Variants in TNFRSF8 observed in about 807,000 individuals in gnomAD.
TNFRSF8 encodes TNF receptor superfamily member 8, also known as tumor necrosis factor receptor superfamily member 8.
A neutral mutation model predicts 70.8 loss-of-function variants in TNFRSF8; 26 were observed. That is an observed-to-expected ratio of 0.37 (90% CI 0.27 to 0.51). The LOEUF (loss-of-function observed/expected upper bound fraction) is 0.51, where lower values mean the gene tolerates loss of function less well. Ranked by LOEUF, TNFRSF8 falls within the 20% of genes least tolerant of loss-of-function variation. TNFRSF8 has a pLI of 0.94. For synonymous variants in TNFRSF8, 356 were observed against 339.2 expected (o/e 1.05, Z -0.54); for missense variants, 720 against 807.9 (o/e 0.89, Z 1.32).
At chr1:12,074,193 G>C (rs890520204) in intron 1 of TNFRSF8, among the ~76,000 whole-genome samples, 2 of 151,912 alleles carry the variant, frequency 1.3e-5, no homozygotes, top group African/African-American at 2.4e-5. Flanking sequence ...CCTCCATCCT[G>C]TCCACCTCCC....
Position 12,112,886 on chromosome 1 carries a change from T to A in TNFRSF8, c.793+872T>A, listed in dbSNP as rs571444905. 6.6e-6 allele frequency among the ~76,000 whole-genome samples: 1 copy of A among 152,164 alleles called. No homozygotes were observed. The highest frequency in any genetic ancestry group is 1.5e-5 in the Non-Finnish European group (1 of 68,028). On this transcript the variant is annotated intron_variant, in intron 7 of 14. Coordinates refer to ENST00000263932, the MANE Select transcript of TNFRSF8 (RefSeq NM_001243.5). This position sits in a 1 kb window ranked among gnomAD's most constrained non-coding sequence, Gnocchi z 5.3. ...GGCCCTGGCTATTCACGGAGGCCACTGGGAATGTGTGTCTGTCTCCTTGTC... is the reference window on the plus strand; with the variant it reads ...GGCCCTGGCTATTCACGGAGGCCACAGGGAATGTGTGTCTGTCTCCTTGTC...
At chr1:12,075,279 T>C (rs1278940420) in intron 1 of TNFRSF8, among the ~76,000 whole-genome samples, 2 of 149,648 alleles carry the variant, frequency 1.3e-5, no homozygotes, top group African/African-American at 4.9e-5. Context: ...AGAGACAGGG[T>C]CTTGCTATGT....
intron 6 of TNFRSF8, among the ~76,000 whole-genome samples, chr1:12,111,674 G>A (rs1282296576): frequency 6.6e-6 from 1 of 152,188 alleles, no homozygotes. Flanking sequence ...GGAACAGTGG[G>A]CAGGGGCTGG....
At chr1:12,067,321 C>A (rs1032283404) in intron 1 of TNFRSF8, among the ~76,000 whole-genome samples, 2 of 152,184 alleles carry the variant, frequency 1.3e-5, no homozygotes, top group Admixed American at 1.3e-4. Context: ...CATGTACCCC[C>A]AATTCCAGCC....
chr1:12,112,977 CTGTT>C lies in TNFRSF8; in HGVS notation c.793+968_793+971del, dbSNP rs959368235. ...GGGAGGCCAAAAAGAACCACAGACA[CTGTT>C]TGTTGTCATTGGAGGTCTCTGTCCT... On this transcript the variant is annotated intron_variant, in intron 7 of 14. Coordinates refer to ENST00000263932, the MANE Select transcript of TNFRSF8 (RefSeq NM_001243.5). The surrounding 1 kb of genome is among the most constrained non-coding windows in gnomAD (Gnocchi z 5.3). Among the ~76,000 whole-genome samples the C allele has an allele frequency of 1.3e-5, 2 of 152,378 alleles. No homozygotes were observed. The highest frequency in any genetic ancestry group is 4.8e-5 in the African/African-American group (2 of 41,598).
rs1557592401 is a variant in TNFRSF8, at chr1:12,109,650, C to G, written c.506C>G (p.Pro169Arg). 1 of 1,613,438 alleles carries G rather than the reference C, an allele frequency of 6.2e-7. No individual in the cohort carries two copies. Among genetic ancestry groups the G allele is most frequent in the Non-Finnish European group, 8.5e-7 (1 of 1,179,738 alleles). Residue 169 changes from proline (P) to arginine (R), a missense_variant, in exon 5 of 15, where the codon CCC (proline) becomes CGC (arginine). Physicochemically the swap from Pro to Arg is moderately radical, Grantham distance 103. Transcript: ENST00000263932. This position sits in a 1 kb window ranked among gnomAD's most constrained non-coding sequence, Gnocchi z 4.4. Reference sequence around the variant, plus strand: ...GCCAGCCCAGAGAACTGCAAGGAACCCTCCAGGTGACTCCCTGGCTTTGCC... The same window carrying G: ...GCCAGCCCAGAGAACTGCAAGGAACGCTCCAGGTGACTCCCTGGCTTTGCC... ...ACASPENCKE[P>R]SSGTIPQAKP...
intron 14 of TNFRSF8, among the ~76,000 whole-genome samples, chr1:12,139,054 C>G (rs1192665454): frequency 6.6e-6 from 1 of 152,246 alleles, no homozygotes; most frequent in East Asian, 1.9e-4. Flanking sequence ...TGCTGCCAGC[C>G]TGGACAGACA....
chr1:12,115,563 T>C lies in TNFRSF8; in HGVS notation c.794-14T>C, dbSNP rs751500558. ...TACTGATCTTTCTCCGTGATCCTCA[T>C]CTGTGTCCCTTAGATGACCTTGTGG... is the stretch of plus-strand genomic sequence containing the variant. On this transcript the variant is annotated splice_polypyrimidine_tract_variant and intron_variant, in intron 7 of 14. Transcript: ENST00000263932. 2 of 1,614,226 alleles carry C rather than the reference T, an allele frequency of 1.2e-6. No individual in the cohort carries two copies. The highest frequency in any genetic ancestry group is 2.2e-5 in the South Asian group (2 of 91,084).
rs956142605 is a variant in TNFRSF8 at position 12,142,483 on chromosome 1, A to G, written c.1740A>G (p.Glu580=). ...GCAGCGATGTCATGCTCTCAGTGGAAGAGGAAGGGAAAGAAGACCCCTTGC... is the reference window on the plus strand; with the variant it reads ...GCAGCGATGTCATGCTCTCAGTGGAGGAGGAAGGGAAAGAAGACCCCTTGC... ...GSCSDVMLSV[E]EEGKEDPLPT... The change falls in exon 15 of 15, where the codon GAA becomes GAG. Residue 580 remains glutamate (E), a synonymous_variant. Transcript: ENST00000263932. This position sits in a 1 kb window ranked among gnomAD's most constrained non-coding sequence, Gnocchi z 5.0. The G allele has an allele frequency of 6.2e-7, 1 of 1,601,632 alleles. No individual in the cohort carries two copies. Among genetic ancestry groups the G allele is most frequent in the African/African-American group, 1.3e-5 (1 of 74,828 alleles).
At chr1:12,101,363 G>C (rs1324335477) in intron 3 of TNFRSF8, among the ~76,000 whole-genome samples, 1 of 151,666 alleles carries the variant, frequency 6.6e-6, no homozygotes, top group Non-Finnish European at 1.5e-5. Context: ...GGAAGTTGAG[G>C]TTACAGTGAG....
intron 1 of TNFRSF8, among the ~76,000 whole-genome samples, chr1:12,074,576 G>A (rs567230770): frequency 2.0e-5 from 3 of 152,146 alleles, no homozygotes; most frequent in African/African-American, 4.8e-5. Flanking sequence ...CACCAGGCCC[G>A]GCCTCAAACT....
chr1:12,127,034 C>T (rs946765199), intron 12 of TNFRSF8, among the ~76,000 whole-genome samples: 2 of 152,178 alleles, frequency 1.3e-5, no homozygotes, highest in African/African-American at 4.8e-5. Context: ...CCAGGCAGCC[C>T]TTGGGAGCTG....
chr1:12,125,339 C>G (rs1641919364), intron 10 of TNFRSF8, among the ~76,000 whole-genome samples: 1 of 152,214 alleles, frequency 6.6e-6, no homozygotes, highest in Admixed American at 6.5e-5. Flanking sequence ...TGGGCTGGGG[C>G]TCTGCCACTT....
At chr1:12,073,333 G>A (rs1013813318) in intron 1 of TNFRSF8, among the ~76,000 whole-genome samples, 1 of 152,108 alleles carries the variant, frequency 6.6e-6, no homozygotes, top group Non-Finnish European at 1.5e-5. Flanking sequence ...TGAGGCTGGC[G>A]CAGGAACCTA....
At chr1:12,082,549 C>CAA (rs34818321) in intron 1 of TNFRSF8, among the ~76,000 whole-genome samples, 5,879 of 120,898 alleles carry the variant, frequency 0.049, 274 homozygotes, top group African/African-American at 0.12. Context: ...GACCCTGTCT[C>CAA]AAAAAAAAAA....
chr1:12,064,684 G>A (rs901578638), intron 1 of TNFRSF8, among the ~76,000 whole-genome samples: 6 of 152,124 alleles, frequency 3.9e-5, no homozygotes, highest in African/African-American at 1.4e-4. Context: ...TGGCAGAGTG[G>A]GCTTTAGGCA....
At chr1:12,104,072 A>G (rs1314608955) in intron 3 of TNFRSF8, among the ~76,000 whole-genome samples, 2 of 152,080 alleles carry the variant, frequency 1.3e-5, no homozygotes, top group African/African-American at 4.8e-5. Flanking sequence ...TACTGTCTCG[A>G]TAGTTTCATC....
At chr1:12,124,075 G>T (rs1330622824) in intron 10 of TNFRSF8, among the ~76,000 whole-genome samples, 2 of 152,112 alleles carry the variant, frequency 1.3e-5, no homozygotes, top group Admixed American at 1.3e-4. Flanking sequence ...ACCCATCTTG[G>T]CTCACTGCAA....
chr1:12,128,816 A>C (rs1053948909), intron 12 of TNFRSF8, among the ~76,000 whole-genome samples: 4 of 146,628 alleles, frequency 2.7e-5, no homozygotes, highest in African/African-American at 1.0e-4. Context: ...CTGGTTGAGA[A>C]CCACTGGTCT....
Sources: allele counts gnomAD v4.1 joint callset (sites outside exome capture counted in the v4.1 genomes callset), GRCh38; gene constraint gnomAD v4.1.1; non-coding constraint Gnocchi (gnomAD v3.1); transcripts MANE v1.5; gene names NCBI Gene and HGNC (gene_info 2026-07-23, HGNC 2026-07-21).